The following RBFOX1 variants were observed in gnomAD, a reference collection of about 807,000 sequenced individuals.
RBFOX1 encodes RNA binding protein fox-1 homolog 1.
Under a neutral mutation model 57.7 loss-of-function variants are expected in RBFOX1, and 8 were observed. The observed-to-expected ratio is 0.14, with a 90% CI of 0.08 to 0.25. RBFOX1 has a LOEUF of 0.25. Among genes scored for constraint, RBFOX1 ranks in the 10% least tolerant of loss-of-function variants. RBFOX1 has a pLI of 1.00. For missense variants in RBFOX1, 611 were observed against 548.5 expected, an observed-to-expected ratio of 1.11 and a Z score of -1.14; for synonymous variants, 326 against 222.4, an observed-to-expected ratio of 1.47 and a Z score of -4.15.
chr16:7,151,203 G>A (rs2076040033), intron 4 of RBFOX1, among the ~76,000 whole-genome samples: 1 of 152,124 alleles, frequency 6.6e-6, no homozygotes, highest in Non-Finnish European at 1.5e-5. Context: ...GATCTCACTG[G>A]GAAAGTAAAT....
chr16:6,042,540 T>C (rs532980919), intron 1 of RBFOX1, among the ~76,000 whole-genome samples: 1 of 152,248 alleles, frequency 6.6e-6, no homozygotes, highest in South Asian at 2.1e-4. Context: ...TTTACAGATA[T>C]TTACAGGTTT....
intron 1 of RBFOX1, among the ~76,000 whole-genome samples, chr16:6,283,146 G>C (rs929188573): frequency 6.6e-6 from 1 of 152,112 alleles, no homozygotes. Flanking sequence ...GGGTAACATA[G>C]TGAGACTCTG....
intron 1 of RBFOX1, among the ~76,000 whole-genome samples, chr16:6,132,666 G>A (rs1449685865): frequency 1.3e-5 from 2 of 152,142 alleles, no homozygotes; most frequent in Non-Finnish European, 2.9e-5. Flanking sequence ...ACAGAGGAAG[G>A]AAAAGTGACT....
At chr16:5,786,760 A>T (rs1363059547) in intron 3 of RBFOX1, among the ~76,000 whole-genome samples, 1 of 152,070 alleles carries the variant, frequency 6.6e-6, no homozygotes, top group South Asian at 2.1e-4. Flanking sequence ...TTCATGTCAG[A>T]CTCTTAATGA....
At chr16:6,843,464 A>G (rs988670103) in intron 3 of RBFOX1, among the ~76,000 whole-genome samples, 5 of 152,090 alleles carry the variant, frequency 3.3e-5, no homozygotes, top group African/African-American at 7.2e-5. Context: ...TGAGGCGGGC[A>G]GATCACGAGG....
At chr16:7,222,816 T>A (rs935617814) in intron 4 of RBFOX1, among the ~76,000 whole-genome samples, 5 of 152,374 alleles carry the variant, frequency 3.3e-5, no homozygotes, top group African/African-American at 7.2e-5. Context: ...TTCTGGGTAC[T>A]CATCATGAAA....
intron 4 of RBFOX1, among the ~76,000 whole-genome samples, chr16:7,196,013 G>GA (rs911834272): frequency 3.3e-4 from 49 of 147,378 alleles, no homozygotes; most frequent in South Asian, 2.1e-3. Context: ...GTCACCGTCT[G>GA]AAAAAAAAAA....
At chr16:6,745,313 T>C (rs978322084) in intron 3 of RBFOX1, among the ~76,000 whole-genome samples, 1 of 152,084 alleles carries the variant, frequency 6.6e-6, no homozygotes, top group Non-Finnish European at 1.5e-5. Flanking sequence ...CAACGATTAC[T>C]GTAATACCAA....
intron 4 of RBFOX1, among the ~76,000 whole-genome samples, chr16:5,945,590 C>G (rs2059385367): frequency 6.6e-6 from 1 of 152,160 alleles, no homozygotes; most frequent in Non-Finnish European, 1.5e-5. Flanking sequence ...GAAACTGAGC[C>G]TCAGAGAGAT....
intron 3 of RBFOX1, among the ~76,000 whole-genome samples, chr16:6,988,720 A>C (rs1599307822): frequency 2.1e-5 from 3 of 142,598 alleles, no homozygotes; most frequent in African/African-American, 2.7e-5. Flanking sequence ...GTGTGACATC[A>C]CACCCAGCTA....
At chr16:6,960,210 C>T (rs1000547378) in intron 3 of RBFOX1, among the ~76,000 whole-genome samples, 3 of 152,256 alleles carry the variant, frequency 2.0e-5, no homozygotes, top group East Asian at 3.9e-4. Flanking sequence ...GAAGGATAAT[C>T]ATCCCAGCAC....
chr16:5,348,166 C>T (rs1284163768), intron 1 of RBFOX1, among the ~76,000 whole-genome samples: 1 of 151,754 alleles, frequency 6.6e-6, no homozygotes, highest in African/African-American at 2.4e-5. Context: ...ACCCATCCAC[C>T]TGTCTTTCCA....
Position 7,057,722 on chromosome 16 carries a change from T to A in RBFOX1, c.27+5624T>A, listed in dbSNP as rs537990298. Among the ~76,000 whole-genome samples the A allele has an allele frequency of 9.9e-5, 15 of 152,220 alleles. No homozygotes were observed. In the South Asian group the frequency reaches 3.1e-3, roughly 32 times the overall value. On this transcript the variant is annotated intron_variant, in intron 4 of 15. Transcript: ENST00000550418. ...ATTGCTAGCTGAGTAAATAACACCA[T>A]AGATGCCGGGTGCAGTGACTCACAC...
chr16:5,449,443 A>T (rs930290296), intron 1 of RBFOX1, among the ~76,000 whole-genome samples: 1 of 152,124 alleles, frequency 6.6e-6, no homozygotes, highest in Non-Finnish European at 1.5e-5. Flanking sequence ...TGATTCTTTG[A>T]TTGCCATTGC....
chr16:7,118,682 C>G (rs2066456851), intron 4 of RBFOX1, among the ~76,000 whole-genome samples: 2 of 152,052 alleles, frequency 1.3e-5, no homozygotes, highest in Admixed American at 6.6e-5. Context: ...TGCTCACATT[C>G]AAGGAGGGAT....
At chr16:6,897,427 A>G (rs559946883) in intron 3 of RBFOX1, among the ~76,000 whole-genome samples, 7 of 152,092 alleles carry the variant, frequency 4.6e-5, no homozygotes, top group East Asian at 3.9e-4. Flanking sequence ...AAACATTTGC[A>G]TTGACTGGGG....
At chr16:6,149,986 C>A (rs1029583989) in intron 1 of RBFOX1, among the ~76,000 whole-genome samples, 1 of 152,176 alleles carries the variant, frequency 6.6e-6, no homozygotes. Context: ...GGATCGCAGA[C>A]ATTCAAAATC....
At chr16:6,249,644 A>C (rs569403529) in intron 1 of RBFOX1, among the ~76,000 whole-genome samples, 4 of 152,264 alleles carry the variant, frequency 2.6e-5, no homozygotes, top group African/African-American at 9.6e-5. Flanking sequence ...TGTGGAGGTA[A>C]GGCATGCAGG....
chr16:5,296,511 A>G (rs1453752386), intron 1 of RBFOX1, among the ~76,000 whole-genome samples: 1 of 152,110 alleles, frequency 6.6e-6, no homozygotes, highest in African/African-American at 2.4e-5. Context: ...AGTCAACGAG[A>G]CAAATCCTTG....
Sources: allele counts gnomAD v4.1 joint callset (sites outside exome capture counted in the v4.1 genomes callset), GRCh38; gene constraint gnomAD v4.1.1; transcripts MANE v1.5; gene names NCBI Gene and HGNC (gene_info 2026-07-23, HGNC 2026-07-21).